Variants in LARP1B observed in about 807,000 individuals in gnomAD.
LARP1B encodes La ribonucleoprotein 1B, also known as la-related protein 1B.
In LARP1B, 76 loss-of-function variants were observed where a neutral mutation model predicts 114.2. The observed-to-expected ratio is 0.67, with a 90% CI of 0.55 to 0.81. The LOEUF is 0.81. Ranked by LOEUF, LARP1B falls within the 30% of genes least tolerant of loss-of-function variation. The pLI, the probability that LARP1B is intolerant of heterozygous loss-of-function variation, is 0.00. For synonymous variants in LARP1B, 345 were observed against 348.0 expected (o/e 0.99, Z 0.10); for missense variants, 1,014 against 1,075.8 (o/e 0.94, Z 0.80).
intron 12 of LARP1B, among the ~76,000 whole-genome samples, chr4:128,175,023 AT>A (rs1270125423): frequency 1.3e-5 from 2 of 152,108 alleles, no homozygotes; most frequent in Non-Finnish European, 1.5e-5. Flanking sequence ...ATCTTAATCT[AT>A]AATGATTTCT....
chr4:128,125,254 C>G (rs1174975946), intron 11 of LARP1B, among the ~76,000 whole-genome samples: 1 of 152,212 alleles, frequency 6.6e-6, no homozygotes, highest in Non-Finnish European at 1.5e-5. Flanking sequence ...CTGTGGATTC[C>G]CATAGGATTC....
At chr4:128,203,462 C>T (rs1254747217) in intron 17 of LARP1B, among the ~76,000 whole-genome samples, 1 of 151,896 alleles carries the variant, frequency 6.6e-6, no homozygotes, top group Non-Finnish European at 1.5e-5. Flanking sequence ...CAACCTCTGC[C>T]TCCTGGGTTC....
At chr4:128,212,671 AAAAC>A (rs1425767766), downstream of LARP1B, among the ~76,000 whole-genome samples, 4 of 151,768 alleles carry the variant, frequency 2.6e-5, no homozygotes, top group East Asian at 7.8e-4. Context: ...ACAAAAACAA[AAAAC>A]AAACAAACAA....
At chr4:128,216,599 G>C (rs1759493513), downstream of LARP1B, among the ~76,000 whole-genome samples, 1 of 150,448 alleles carries the variant, frequency 6.6e-6, no homozygotes. Context: ...AAACCAACGA[G>C]AACAAAGACA....
At chr4:128,081,617 T>C (rs1770477665) in intron 4 of LARP1B, among the ~76,000 whole-genome samples, 1 of 152,130 alleles carries the variant, frequency 6.6e-6, no homozygotes, top group African/African-American at 2.4e-5. Flanking sequence ...TTAGGCCAAC[T>C]ATGGGGATTG....
At chr4:128,074,394 A>C (rs986766852) in intron 1 of LARP1B, 66 bp from the exon 2 acceptor site, 2 of 252,188 alleles carry the variant, frequency 7.9e-6, no homozygotes, top group African/African-American at 4.6e-5. Flanking sequence ...AAATTGACAT[A>C]ATAGTTATTT....
chr4:128,094,139 C>T (rs990323507), intron 7 of LARP1B, among the ~76,000 whole-genome samples: 19 of 151,686 alleles, frequency 1.3e-4, no homozygotes, highest in Non-Finnish European at 2.8e-4. Flanking sequence ...GTTGGTCAGG[C>T]TGGTCTCGAA....
At chr4:128,110,444 C>T (rs570675436) in intron 9 of LARP1B, among the ~76,000 whole-genome samples, 67 of 150,234 alleles carry the variant, frequency 4.5e-4, no homozygotes, top group Middle Eastern at 3.4e-3. Context: ...GAGGCCGAGG[C>T]GGGCGGATCA....
chr4:128,077,456 G>A (rs1768410175), intron 3 of LARP1B, among the ~76,000 whole-genome samples: 2 of 151,954 alleles, frequency 1.3e-5, no homozygotes, highest in Admixed American at 1.3e-4. Context: ...AGCCGAGATC[G>A]TGCCACTGCA....
intron 11 of LARP1B, chr4:128,155,438 G>GT (rs1428333817): frequency 7.1e-6 from 5 of 707,316 alleles, no homozygotes; most frequent in Non-Finnish European, 1.3e-5. Context: ...AATGGCGTGG[G>GT]TATGGCGACC....
intron 10 of LARP1B, among the ~76,000 whole-genome samples, 195 bp downstream of exon 10, chr4:128,114,937 T>G (rs567310762): frequency 6.6e-6 from 1 of 152,166 alleles, no homozygotes; most frequent in Non-Finnish European, 1.5e-5. Context: ...TTTAAAATGT[T>G]ATTTATTTTT....
At chr4:128,176,984 C>A in intron 13 of LARP1B, 77 bp downstream of exon 13, 1 of 1,238,730 alleles carries the variant, frequency 8.1e-7, no homozygotes, top group Non-Finnish European at 1.2e-6. Context: ...AGGAAAGGGA[C>A]TTTCAGACAG....
In LARP1B at chr4:128,199,605, A is replaced by G. The variant is rs367950732; in HGVS notation, c.2164+6A>G. ...TCGTCGAAGATGCCTAAGTGGTAAG[A>G]TGCTTGTCCTTTATCTATCTAATAT... is the stretch of plus-strand genomic sequence containing the variant. On this transcript the variant is annotated splice_donor_region_variant and intron_variant, in intron 16 of 19. Transcript: ENST00000326639. The G allele has an allele frequency of 3.4e-5, 51 of 1,481,550 alleles. No individual in the cohort carries two copies. In the African/African-American group the frequency reaches 5.5e-4, roughly 16 times the overall value. 91.8% of individuals were successfully genotyped at this position (1,481,550 alleles called of 1,614,324 possible). A position where few individuals can be genotyped will look rare whatever the true frequency, so the allele number is the denominator to read the frequency against.
rs1735259012 is a variant in LARP1B, at chr4:128,155,717, T to C, written c.1525-6477T>C. 4 of 1,607,704 alleles carry C rather than the reference T, an allele frequency of 2.5e-6. No individual in the cohort carries two copies. In the Admixed American group the frequency reaches 5.0e-5, roughly 20 times the overall value. The stretch of plus-strand genomic sequence containing the variant: ...CCGGAGGAAGAGGAGCGCCGCCGAG[T>C]AAGGCCCGAGCGGAACAAGCTGGCT... On this transcript the variant is annotated intron_variant, in intron 11 of 19. Transcript: ENST00000326639.
chr4:128,203,844 T>C (rs1391305689), intron 17 of LARP1B, among the ~76,000 whole-genome samples: 1 of 152,218 alleles, frequency 6.6e-6, no homozygotes, highest in Non-Finnish European at 1.5e-5. Flanking sequence ...TAGGATCTAA[T>C]TGACTCAATT....
chr4:128,065,331 CTTTCCTTTCT>C (rs1457464808), intron 1 of LARP1B, among the ~76,000 whole-genome samples: 7 of 73,278 alleles, frequency 9.6e-5, no homozygotes, highest in African/African-American at 3.3e-4. Context: ...CTCTCTCTCT[CTTTCCTTTCT>C]TTTCTTTTCT....
chr4:128,155,650 C>T, intron 11 of LARP1B: 2 of 1,525,258 alleles, frequency 1.3e-6, no homozygotes, highest in African/African-American at 1.4e-5. Context: ...GGCCCTGGGG[C>T]CGCCTCCAGT....
At chr4:128,183,186 TAAAC>T (rs1302733999) in intron 15 of LARP1B, among the ~76,000 whole-genome samples, 2 of 152,220 alleles carry the variant, frequency 1.3e-5, no homozygotes, top group East Asian at 1.9e-4. Context: ...GTGGCTACCT[TAAAC>T]AATAGATTTT....
rs369517175 is a variant in LARP1B, at chr4:128,100,632, C to CT, written c.813+2308dup. ...AAAGTTGTTAGCAGTTTTTCATGTG[C>CT]TTTTTTGTCTGCATACCTTATTAGT... On this transcript the variant is annotated intron_variant, in intron 8 of 19. Coordinates refer to ENST00000326639, the MANE Select transcript of LARP1B (RefSeq NM_018078.4). Among the ~76,000 whole-genome samples, 366 of 152,106 alleles carry CT rather than the reference C, an allele frequency of 2.4e-3. 1 individual carries two copies. Among genetic ancestry groups the CT allele is most frequent in the African/African-American group, 8.2e-3 (342 of 41,516 alleles).
Sources: allele counts gnomAD v4.1 joint callset (sites outside exome capture counted in the v4.1 genomes callset), GRCh38; gene constraint gnomAD v4.1.1; transcripts MANE v1.5; gene names NCBI Gene and HGNC (gene_info 2026-07-23, HGNC 2026-07-21).